FHIT: variants seen among roughly 807,000 people sequenced by gnomAD.
The protein encoded by FHIT is bis(5'-adenosyl)-triphosphatase.
FHIT carries 19 observed loss-of-function variants against 17.9 expected under a neutral mutation model. That is an observed-to-expected ratio of 1.06 (90% CI 0.74 to 1.56). The LOEUF is 1.56. Among genes scored for constraint, FHIT ranks in the 40% most tolerant of loss-of-function variants. The probability of loss-of-function intolerance (pLI) is 0.00; values close to 1 mark genes in which losing one functional copy is unlikely to be tolerated. For missense variants in FHIT, 248 were observed against 189.2 expected (o/e 1.31, Z -1.82); for synonymous variants, 81 against 69.7 (o/e 1.16, Z -0.81).
At chr3:60,346,667 G>A (rs1356203841) in intron 5 of FHIT, among the ~76,000 whole-genome samples, 1 of 152,122 alleles carries the variant, frequency 6.6e-6, no homozygotes, top group Non-Finnish European at 1.5e-5. Context: ...TTTCCTGGTG[G>A]TGTGACAAGA....
intron 4 of FHIT, among the ~76,000 whole-genome samples, chr3:60,738,949 A>G (rs1187249656): frequency 6.6e-6 from 1 of 152,122 alleles, no homozygotes; most frequent in Non-Finnish European, 1.5e-5. Context: ...CCCAGGCTCC[A>G]GGAGCAGACA....
chr3:61,009,844 G>A (rs2031686688), intron 3 of FHIT, among the ~76,000 whole-genome samples: 1 of 152,126 alleles, frequency 6.6e-6, no homozygotes, highest in South Asian at 2.1e-4. Flanking sequence ...TATAATATTT[G>A]GGTAGCCTTT....
intron 3 of FHIT, among the ~76,000 whole-genome samples, chr3:61,022,586 A>C (rs943352998): frequency 6.6e-6 from 1 of 152,258 alleles, no homozygotes; most frequent in Non-Finnish European, 1.5e-5. Context: ...ATCAATGAGA[A>C]AATCTTCAAT....
At chr3:60,623,545 G>A (rs1553679563) in intron 4 of FHIT, among the ~76,000 whole-genome samples, 2 of 152,108 alleles carry the variant, frequency 1.3e-5, no homozygotes, top group Non-Finnish European at 2.9e-5. Flanking sequence ...GAAATACTGT[G>A]TGTTTGTATC....
intron 5 of FHIT, among the ~76,000 whole-genome samples, chr3:60,211,792 G>A (rs1703464018): frequency 6.6e-6 from 1 of 152,036 alleles, no homozygotes; most frequent in Non-Finnish European, 1.5e-5. Context: ...ATTCTGACTG[G>A]GGAAAACCAC....
At position 60,119,858 on chromosome 3, in the gene FHIT, T is replaced by C. The variant is rs921445071; in HGVS notation, c.104-105706A>G. ...CTCATTAAACACATACTTGATTCCA[T>C]GACTTCCTTTTTATAAAACTCTACT... On this transcript the variant is annotated intron_variant, in intron 5 of 9. Transcript: ENST00000492590. Among the ~76,000 whole-genome samples the C allele has an allele frequency of 6.6e-5, 10 of 152,168 alleles. 1 individual carries two copies. Among genetic ancestry groups the C allele is most frequent in the Non-Finnish European group, 1.5e-5 (1 of 68,028 alleles).
At chr3:60,489,560 C>A (rs186723862) in intron 5 of FHIT, among the ~76,000 whole-genome samples, 1 of 152,204 alleles carries the variant, frequency 6.6e-6, no homozygotes, top group African/African-American at 2.4e-5. Context: ...CACCTGTGCT[C>A]AAGTCCACTT....
At chr3:59,962,299 A>T (rs1438183413) in intron 7 of FHIT, among the ~76,000 whole-genome samples, 1 of 152,194 alleles carries the variant, frequency 6.6e-6, no homozygotes, top group African/African-American at 2.4e-5. Context: ...CTTGGAAAAT[A>T]CTTTATACTG....
At chr3:60,418,715 T>TCTA (rs1341477031) in intron 5 of FHIT, among the ~76,000 whole-genome samples, 2 of 151,470 alleles carry the variant, frequency 1.3e-5, no homozygotes, top group Non-Finnish European at 2.9e-5. Flanking sequence ...CTAGTATTCA[T>TCTA]GCTACTGCAC....
Position 60,316,671 on chromosome 3 carries a change from C to T in FHIT, c.103+220189G>A, listed in dbSNP as rs543471958. ...GAAATCCAGAATGTTACAACTGCCA[C>T]AGGCTCACTCAAAACAGATTAAGTC... On this transcript the variant is annotated intron_variant, in intron 5 of 9. Transcript: ENST00000492590. Among the ~76,000 whole-genome samples, 8 of 152,318 alleles carry T rather than the reference C, an allele frequency of 5.3e-5. No individual in the cohort carries two copies. In the South Asian group the frequency reaches 1.7e-3, roughly 32 times the overall value.
chr3:60,860,438 C>CATATAT (rs1478989632), intron 3 of FHIT, among the ~76,000 whole-genome samples: 11 of 122,798 alleles, frequency 9.0e-5, no homozygotes, highest in Non-Finnish European at 1.2e-4. Context: ...ACATATATAT[C>CATATAT]ATGTATATAT....
intron 4 of FHIT, among the ~76,000 whole-genome samples, chr3:60,783,290 A>G (rs879971311): frequency 1.3e-5 from 2 of 152,298 alleles, no homozygotes; most frequent in East Asian, 3.9e-4. Context: ...GTCATTAGAG[A>G]GAGAGCCAAG....
At chr3:60,727,774 C>A (rs1158097089) in intron 4 of FHIT, among the ~76,000 whole-genome samples, 1 of 152,120 alleles carries the variant, frequency 6.6e-6, no homozygotes, top group South Asian at 2.1e-4. Flanking sequence ...GAGGCCGAGG[C>A]GGGCGGATCA....
At chr3:59,905,674 C>G (rs1468471013) in intron 8 of FHIT, among the ~76,000 whole-genome samples, 17 of 152,112 alleles carry the variant, frequency 1.1e-4, no homozygotes, top group Admixed American at 5.2e-4. Context: ...TAAGCTGTCT[C>G]TTAGATATTA....
intron 3 of FHIT, among the ~76,000 whole-genome samples, chr3:60,987,714 A>G (rs1418412221): frequency 6.6e-6 from 1 of 152,196 alleles, no homozygotes; most frequent in East Asian, 1.9e-4. Context: ...GCAAGCTAAA[A>G]TCATTTTATA....
intron 7 of FHIT, among the ~76,000 whole-genome samples, chr3:59,979,898 G>A (rs1177607985): frequency 6.6e-6 from 1 of 152,116 alleles, no homozygotes; most frequent in South Asian, 2.1e-4. Context: ...GAGGAAATCT[G>A]GGAGATGAAA....
At chr3:59,958,541 G>C (rs1234763469) in intron 7 of FHIT, among the ~76,000 whole-genome samples, 1 of 152,166 alleles carries the variant, frequency 6.6e-6, no homozygotes, top group Non-Finnish European at 1.5e-5. Context: ...TGTAAGGGAA[G>C]ATAACAAAAT....
chr3:60,013,319 A>G (rs1253578819), intron 6 of FHIT, among the ~76,000 whole-genome samples: 3 of 152,122 alleles, frequency 2.0e-5, no homozygotes, highest in East Asian at 1.9e-4. Context: ...GAGTCATCCA[A>G]TTTCAGAGCC....
At chr3:60,102,570 G>C (rs1224732098) in intron 5 of FHIT, among the ~76,000 whole-genome samples, 1 of 151,838 alleles carries the variant, frequency 6.6e-6, no homozygotes, top group Non-Finnish European at 1.5e-5. Context: ...CACAAAGTAA[G>C]CATCTGTAAA....
Sources: allele counts gnomAD v4.1 joint callset (sites outside exome capture counted in the v4.1 genomes callset), GRCh38; gene constraint gnomAD v4.1.1; transcripts MANE v1.5; gene names NCBI Gene and HGNC (gene_info 2026-07-23, HGNC 2026-07-21).